INPP4B: variants seen among roughly 807,000 people sequenced by gnomAD.
INPP4B encodes the protein inositol polyphosphate 4-phosphatase type II.
INPP4B carries 55 observed loss-of-function variants against 122.5 expected under a neutral mutation model. That is an observed-to-expected ratio of 0.45 (90% confidence interval 0.36 to 0.56). The LOEUF (loss-of-function observed/expected upper bound fraction) is 0.56, where lower values mean the gene tolerates loss of function less well. Among genes scored for constraint, INPP4B ranks in the 20% least tolerant of loss-of-function variants. The probability of loss-of-function intolerance (pLI) is 0.00; values close to 1 mark genes in which losing one functional copy is unlikely to be tolerated. For missense variants in INPP4B, 1,000 were observed against 1,097.7 expected (o/e 0.91, Z 1.26); for synonymous variants, 403 against 388.7 (o/e 1.04, Z -0.43).
intron 2 of INPP4B, among the ~76,000 whole-genome samples, chr4:142,591,618 G>A (rs560398342): frequency 4.6e-5 from 7 of 152,096 alleles, no homozygotes; most frequent in Non-Finnish European, 8.8e-5. Flanking sequence ...AAAGCACTAT[G>A]GCAAGAAGAA....
At chr4:142,496,821 T>C (rs1822633971) in intron 2 of INPP4B, 1 of 152,140 alleles carries the variant, frequency 6.6e-6, no homozygotes, top group African/African-American at 2.4e-5. Context: ...TCGTCTTAAC[T>C]TCATCACAAC....
intron 23 of INPP4B, among the ~76,000 whole-genome samples, chr4:142,087,278 A>G (rs866559984): frequency 1.1e-4 from 17 of 152,212 alleles, no homozygotes; most frequent in Non-Finnish European, 1.8e-4. Flanking sequence ...GAAAAACATG[A>G]GGCTATACTT....
At chr4:142,606,551 G>A in intron 2 of INPP4B, among the ~76,000 whole-genome samples, 1 of 151,682 alleles carries the variant, frequency 6.6e-6, no homozygotes, top group East Asian at 1.9e-4. Flanking sequence ...ATCAATAAAA[G>A]GGTAAAAAAA....
intron 16 of INPP4B, among the ~76,000 whole-genome samples, chr4:142,172,248 G>A (rs2152946211): frequency 6.6e-6 from 1 of 152,042 alleles, no homozygotes; most frequent in African/African-American, 2.4e-5. Context: ...ATCCAGATCT[G>A]GGTTTGAACC....
Position 142,831,194 on chromosome 4 carries a change from G to A in INPP4B, c.-254+15015C>T, listed in dbSNP as rs115839835. 1.6e-3 allele frequency among the ~76,000 whole-genome samples: 238 copies of A among 152,170 alleles called. 1 individual carries two copies. Among genetic ancestry groups the A allele is most frequent in the African/African-American group, 5.6e-3 (231 of 41,528 alleles). Reference sequence around the variant, plus strand: ...TACTCAGCTTTGATGCCAGTAAATCGAGTACTAAATTCCAAAGAAATGGAT... The same window carrying A: ...TACTCAGCTTTGATGCCAGTAAATCAAGTACTAAATTCCAAAGAAATGGAT... On this transcript the variant is annotated intron_variant, in intron 1 of 25. Coordinates refer to ENST00000262992, the MANE Select transcript of INPP4B (RefSeq NM_001101669.3).
chr4:142,507,993 T>C (rs1223961798), intron 2 of INPP4B, among the ~76,000 whole-genome samples: 1 of 152,166 alleles, frequency 6.6e-6, no homozygotes, highest in Admixed American at 6.5e-5. Context: ...CCCCCTTTTC[T>C]TAAAGCATTA....
chr4:142,679,900 TA>T (rs1031360361), intron 2 of INPP4B, among the ~76,000 whole-genome samples: 43 of 147,898 alleles, frequency 2.9e-4, no homozygotes, highest in East Asian at 7.9e-4. Context: ...GTCAAAACGT[TA>T]AAAAAAAAAT....
intron 2 of INPP4B, among the ~76,000 whole-genome samples, chr4:142,511,558 G>C (rs1418008901): frequency 6.6e-6 from 1 of 152,130 alleles, no homozygotes. Context: ...TAGATAGTGT[G>C]TTAAGAGTTT....
intron 2 of INPP4B, among the ~76,000 whole-genome samples, chr4:142,711,620 T>C (rs1230434532): frequency 1.3e-5 from 2 of 152,182 alleles, no homozygotes; most frequent in Non-Finnish European, 2.9e-5. Context: ...GCCATTGCTA[T>C]GGTCTGAATG....
intron 2 of INPP4B, among the ~76,000 whole-genome samples, chr4:142,668,964 A>C (rs1023351274): frequency 6.6e-6 from 1 of 152,092 alleles, no homozygotes. Context: ...CTGAGGCAGG[A>C]GAATGAATGT....
intron 7 of INPP4B, among the ~76,000 whole-genome samples, chr4:142,331,054 T>G (rs549899553): frequency 6.6e-6 from 1 of 152,228 alleles, no homozygotes; most frequent in Non-Finnish European, 1.5e-5. Context: ...CAGATAATGT[T>G]GCTCTTTATT....
At chr4:142,269,116 C>T (rs1352936757) in intron 10 of INPP4B, among the ~76,000 whole-genome samples, 2 of 152,124 alleles carry the variant, frequency 1.3e-5, no homozygotes, top group African/African-American at 2.4e-5. Context: ...ATCCCTCTGC[C>T]CACCCTGAGC....
chr4:142,184,108 T>C (rs1832082214), intron 15 of INPP4B, among the ~76,000 whole-genome samples: 1 of 152,336 alleles, frequency 6.6e-6, no homozygotes, highest in South Asian at 2.1e-4. Context: ...AAAATAAATA[T>C]TCAATTTTTT....
intron 9 of INPP4B, among the ~76,000 whole-genome samples, chr4:142,278,614 T>C (rs1430248532): frequency 6.6e-6 from 1 of 151,872 alleles, no homozygotes; most frequent in Non-Finnish European, 1.5e-5. Context: ...TTACCTTTTA[T>C]TTTTCTCTAT....
At chr4:142,640,345 G>A (rs913872961) in intron 2 of INPP4B, among the ~76,000 whole-genome samples, 9 of 151,978 alleles carry the variant, frequency 5.9e-5, no homozygotes, top group African/African-American at 9.7e-5. Context: ...CTGGTACAAG[G>A]CACAAATGAA....
At chr4:142,781,613 T>G (rs961173579) in intron 1 of INPP4B, among the ~76,000 whole-genome samples, 1 of 152,094 alleles carries the variant, frequency 6.6e-6, no homozygotes, top group African/African-American at 2.4e-5. Flanking sequence ...TGTGATTTAG[T>G]GAAACTGGAG....
At chr4:142,422,573 G>A (rs900276163) in intron 5 of INPP4B, among the ~76,000 whole-genome samples, 1 of 152,088 alleles carries the variant, frequency 6.6e-6, no homozygotes, top group South Asian at 2.1e-4. Flanking sequence ...GGAAGGCTGA[G>A]GTGGTAGATT....
intron 11 of INPP4B, among the ~76,000 whole-genome samples, chr4:142,255,796 G>A (rs1232986267): frequency 6.6e-5 from 10 of 151,854 alleles, no homozygotes; most frequent in Admixed American, 1.3e-4. Flanking sequence ...ACAGATCAAC[G>A]AGACAGAAAG....
chr4:142,438,050 G>A (rs1810915849), intron 3 of INPP4B, among the ~76,000 whole-genome samples: 1 of 152,106 alleles, frequency 6.6e-6, no homozygotes, highest in Non-Finnish European at 1.5e-5. Flanking sequence ...GGTAATACAA[G>A]GGGACACAAA....
Sources: allele counts gnomAD v4.1 joint callset (sites outside exome capture counted in the v4.1 genomes callset), GRCh38; gene constraint gnomAD v4.1.1; transcripts MANE v1.5; gene names NCBI Gene and HGNC (gene_info 2026-07-23, HGNC 2026-07-21).